Variants in DIO2 observed in about 807,000 individuals in gnomAD.
DIO2 encodes the protein type II iodothyronine deiodinase.
Under a neutral mutation model 21.4 loss-of-function variants are expected in DIO2, and 19 were observed. That is an observed-to-expected ratio of 0.89 (90% CI 0.62 to 1.30). The LOEUF is 1.30. Ranked by LOEUF, DIO2 falls within the 50% of genes most tolerant of loss-of-function variation. The pLI is 0.00. For missense variants in DIO2, 302 were observed against 338.1 expected, an observed-to-expected ratio of 0.89 and a Z score of 0.84; for synonymous variants, 122 against 132.9, an observed-to-expected ratio of 0.92 and a Z score of 0.57.
chr14:80,210,191 C>T (rs1429427736), intron 1 of DIO2, among the ~76,000 whole-genome samples: 1 of 152,134 alleles, frequency 6.6e-6, no homozygotes, highest in Non-Finnish European at 1.5e-5. Context: ...GTTCATTCTT[C>T]TCAAGCCTGG....
At chr14:80,206,221 A>G (rs769341239) in intron 1 of DIO2, 47 of 1,477,038 alleles carry the variant, frequency 3.2e-5, no homozygotes, top group Non-Finnish European at 4.0e-5. Flanking sequence ...AAGGAAAAAC[A>G]CACACCCACC....
At chr14:80,206,128 T>C (rs1887944956) in intron 1 of DIO2, 1 of 783,236 alleles carries the variant, frequency 1.3e-6, no homozygotes, top group Non-Finnish European at 2.1e-6. Flanking sequence ...TGTTATAATG[T>C]CATAAATGGA....
chr14:80,206,051 G>A (rs1887941839), intron 1 of DIO2, among the ~76,000 whole-genome samples: 1 of 152,122 alleles, frequency 6.6e-6, no homozygotes, highest in African/African-American at 2.4e-5. Flanking sequence ...GTCTCATCTG[G>A]TCAGTGCACA....
chr14:80,214,381 C>T (rs577669411), upstream of DIO2, among the ~76,000 whole-genome samples: 4 of 152,272 alleles, frequency 2.6e-5, no homozygotes, highest in Admixed American at 2.0e-4. Flanking sequence ...ATCAGAAAAA[C>T]CTTTCTTTTA....
chr14:80,215,785 A>G (rs960546204), upstream of DIO2, among the ~76,000 whole-genome samples: 22 of 152,226 alleles, frequency 1.4e-4, no homozygotes, highest in African/African-American at 5.3e-4. Context: ...AAACTGTATA[A>G]CCTACTGCCT....
chr14:80,223,252 G>C (rs1465253606), intron 2 of DIO2, among the ~76,000 whole-genome samples: 1 of 152,042 alleles, frequency 6.6e-6, no homozygotes. Flanking sequence ...AATATTTTCA[G>C]TCTCACCCAT....
At chr14:80,203,668 T>C (rs895956156) in intron 1 of DIO2, among the ~76,000 whole-genome samples, 6 of 152,242 alleles carry the variant, frequency 3.9e-5, no homozygotes, top group African/African-American at 1.2e-4. Context: ...TTTTAAAAAT[T>C]AGAAGCAAAT....
upstream of DIO2, among the ~76,000 whole-genome samples, chr14:80,213,258 T>C (rs745940021): frequency 4.6e-5 from 7 of 152,194 alleles, no homozygotes; most frequent in Middle Eastern, 3.2e-3. Flanking sequence ...TGTTACCTAA[T>C]AGATCACTGA....
chr14:80,229,798 T>C (rs778314638), intron 2 of DIO2, among the ~76,000 whole-genome samples: 2 of 152,212 alleles, frequency 1.3e-5, no homozygotes, highest in Non-Finnish European at 2.9e-5. Context: ...CTGATCCAAC[T>C]CTGTTCCTTC....
At chr14:80,230,472 A>G (rs1019338109) in intron 2 of DIO2, among the ~76,000 whole-genome samples, 1 of 152,188 alleles carries the variant, frequency 6.6e-6, no homozygotes, top group African/African-American at 2.4e-5. Context: ...GCCAGGAGAC[A>G]GAATCCCTGA....
At chr14:80,222,677 G>C (rs1464294740) in intron 2 of DIO2, among the ~76,000 whole-genome samples, 2 of 152,048 alleles carry the variant, frequency 1.3e-5, no homozygotes, top group African/African-American at 4.8e-5. Flanking sequence ...TGTTTATCTT[G>C]TGCCATATGA....
intron 2 of DIO2, among the ~76,000 whole-genome samples, chr14:80,219,887 C>T (rs948678497): frequency 6.6e-6 from 1 of 152,168 alleles, no homozygotes; most frequent in South Asian, 2.1e-4. Flanking sequence ...TTGTATACAT[C>T]GTGTTTGTAA....
chr14:80,225,314 CAAT>C (rs1187301255), intron 2 of DIO2, among the ~76,000 whole-genome samples: 3 of 152,148 alleles, frequency 2.0e-5, no homozygotes, highest in African/African-American at 7.2e-5. Flanking sequence ...CAAATAAAGA[CAAT>C]AATAAGGTCA....
chr14:80,216,483 A>G (rs1359080282), upstream of DIO2, among the ~76,000 whole-genome samples: 5 of 152,112 alleles, frequency 3.3e-5, no homozygotes, highest in Non-Finnish European at 1.5e-5. Context: ...CCACTGCCCA[A>G]ACCTCTCCAG....
At chr14:80,229,033 G>T (rs1339033548) in intron 2 of DIO2, among the ~76,000 whole-genome samples, 1 of 152,078 alleles carries the variant, frequency 6.6e-6, no homozygotes, top group African/African-American at 2.4e-5. Context: ...AACCTCAAGG[G>T]GACCCAGCCT....
chr14:80,205,546 T>C (rs1887915331), intron 1 of DIO2: 1 of 1,200,508 alleles, frequency 8.3e-7, no homozygotes, highest in African/African-American at 1.6e-5. Context: ...TTATGTCTGA[T>C]TATTCAACTG....
chr14:80,225,184 C>T (rs765906714), intron 2 of DIO2, among the ~76,000 whole-genome samples: 3 of 152,164 alleles, frequency 2.0e-5, no homozygotes. Context: ...CACAGGCACA[C>T]CCAGGAACAA....
Position 80,202,099 on chromosome 14 carries a change from T to G in DIO2, c.*590A>C. 3.4e-6 allele frequency: 1 copy of G among 293,488 alleles called. No individual in the cohort carries two copies. The highest frequency in any genetic ancestry group is 6.7e-6 in the Non-Finnish European group (1 of 149,380). The allele number at this position is 293,488 out of a possible 1,614,324, so 18.2% of individuals were successfully genotyped here. On this transcript the variant is annotated 3_prime_UTR_variant, in exon 2 of 2. Coordinates refer to ENST00000438257, the MANE Select transcript of DIO2 (RefSeq NM_013989.5). The stretch of plus-strand genomic sequence containing the variant: ...AGACTGAGGGATCATTCTCGGTATC[T>G]ACAAATATACCAATAATTTCTGGGG...
chr14:80,217,865 AACTC>A (rs1294279552), intron 2 of DIO2, among the ~76,000 whole-genome samples: 1 of 152,214 alleles, frequency 6.6e-6, no homozygotes, highest in African/African-American at 2.4e-5. Flanking sequence ...AAATAATACC[AACTC>A]ACTCAGCAGT....
Sources: gnomAD v4.1 joint callset for allele counts (sites outside exome capture counted in the v4.1 genomes callset) on GRCh38, gnomAD v4.1.1 for gene constraint, MANE v1.5 for transcripts, NCBI Gene and HGNC (gene_info 2026-07-23, HGNC 2026-07-21) for gene names.